MINAR1: variants seen among roughly 807,000 people sequenced by gnomAD.
MINAR1 encodes membrane integral NOTCH2 associated receptor 1.
In MINAR1, 40 loss-of-function variants were observed where a neutral mutation model predicts 65.1. The ratio of observed to expected loss-of-function variants is 0.61; its 90% CI spans 0.48 to 0.80. The LOEUF (loss-of-function observed/expected upper bound fraction) is 0.80, where lower values mean the gene tolerates loss of function less well. MINAR1 is among the 30% of genes least tolerant of loss of function. The pLI, the probability that MINAR1 is intolerant of heterozygous loss-of-function variation, is 0.00. For missense variants in MINAR1, 1,128 were observed against 1,148.0 expected, an observed-to-expected ratio of 0.98 and a Z score of 0.25; for synonymous variants, 482 against 449.1, an observed-to-expected ratio of 1.07 and a Z score of -0.93.
the MINAR1 span, chr15:79,423,303 G>A: frequency 7.2e-5 from 11 of 152,096 alleles, no homozygotes; most frequent in African/African-American, 2.7e-4. Context: ...TAGAATGTTA[G>A]CATTGTATAA....
At chr15:79,447,798 A>C (rs149643462) in intron 1 of MINAR1, among the ~76,000 whole-genome samples, 3 of 152,174 alleles carry the variant, frequency 2.0e-5, no homozygotes, top group African/African-American at 7.2e-5. Flanking sequence ...CTAAGGGGTA[A>C]TTTTTTACTT....
At chr15:79,414,324 C>T in the MINAR1 span, 4 of 152,216 alleles carry the variant, frequency 2.6e-5, no homozygotes, top group African/African-American at 9.6e-5. Context: ...TGAATTCCTC[C>T]TACCAAGCAA....
chr15:79,455,874 G>A (rs193077765), intron 1 of MINAR1, among the ~76,000 whole-genome samples: 13 of 152,282 alleles, frequency 8.5e-5, no homozygotes, highest in Admixed American at 2.6e-4. Context: ...CCATCATAGT[G>A]AACACCTTTA....
chr15:79,458,349 C>T lies in MINAR1; in HGVS notation c.2202C>T (p.Arg734=). The change falls in exon 2 of 4, where the codon CGC becomes CGT. Residue 734 remains arginine (R), a synonymous_variant. Coordinates refer to ENST00000305428, the MANE Select transcript of MINAR1 (RefSeq NM_015206.3). ...TCTCCAACTCGCCCAGAGACTGGCG[C>T]ACCATCACTTATACCAACCGTGTGG... is the stretch of plus-strand genomic sequence containing the variant. The part of the protein sequence containing the change: ...ASISNSPRDW[R]TITYTNRVGL... 2.5e-6 allele frequency: 4 copies of T among 1,614,188 alleles called. No homozygotes were observed. The Middle Eastern group carries it at 4.9e-4, about 200-fold the overall frequency.
intron 1 of MINAR1, among the ~76,000 whole-genome samples, chr15:79,443,392 G>T (rs889360941): frequency 6.6e-6 from 1 of 152,184 alleles, no homozygotes; most frequent in African/African-American, 2.4e-5. Context: ...GCCATTCAAG[G>T]TCCTCCTGGT....
chr15:79,436,230 A>G (rs1328058899), intron 1 of MINAR1, among the ~76,000 whole-genome samples: 1 of 152,222 alleles, frequency 6.6e-6, no homozygotes. Flanking sequence ...TGACTGATGC[A>G]ACATGTAAAG....
rs1209051806 is a variant in MINAR1 at position 79,471,919 on chromosome 15, A to G, written c.*3535A>G. On this transcript the variant is annotated 3_prime_UTR_variant, in exon 4 of 4. Coordinates refer to ENST00000305428, the MANE Select transcript of MINAR1 (RefSeq NM_015206.3). ...TGAAAATTTGTATTTAAAGGCAAAGATACAAGTAATTGTTGGTATAATTGG... is the reference window on the plus strand; with the variant it reads ...TGAAAATTTGTATTTAAAGGCAAAGGTACAAGTAATTGTTGGTATAATTGG... 6.6e-6 allele frequency: 1 copy of G among 152,660 alleles called. No individual in the cohort carries two copies. The highest frequency in any genetic ancestry group is 6.5e-5 in the Admixed American group (1 of 15,282). The allele number at this position is 152,660 out of a possible 1,614,324, so 9.5% of individuals were successfully genotyped here.
chr15:79,464,427 C>T (rs563618612), intron 3 of MINAR1, among the ~76,000 whole-genome samples: 13 of 152,260 alleles, frequency 8.5e-5, no homozygotes, highest in South Asian at 2.1e-4. Context: ...CCTGTGAGGC[C>T]GGAATTGCTA....
At chr15:79,439,292 G>T (rs1424166823) in intron 1 of MINAR1, among the ~76,000 whole-genome samples, 15 of 123,086 alleles carry the variant, frequency 1.2e-4, no homozygotes, top group South Asian at 6.0e-4. Flanking sequence ...TAGTGAGTGG[G>T]TGGGCGTGGG....
Position 79,461,023 on chromosome 15 carries a change from C to T in MINAR1, c.2299-2044C>T, listed in dbSNP as rs146465070. On this transcript the variant is annotated intron_variant, in intron 2 of 3. Transcript: ENST00000305428. ...TAAGTCCTATGCTCCCGTCAAGGCC[C>T]CTTACTTCATAAGTCTCTGTAAGCT... is the stretch of plus-strand genomic sequence containing the variant. Among the ~76,000 whole-genome samples the T allele has an allele frequency of 4.4e-4, 67 of 152,330 alleles. No homozygotes were observed. In the Middle Eastern group the frequency reaches 0.01, roughly 23 times the overall value.
chr15:79,459,484 C>T (rs1353327626), intron 2 of MINAR1, among the ~76,000 whole-genome samples: 1 of 152,134 alleles, frequency 6.6e-6, no homozygotes, highest in Non-Finnish European at 1.5e-5. Flanking sequence ...CCCTTTCTGG[C>T]CAAGGTGATG....
chr15:79,469,743 C>T lies in MINAR1; in HGVS notation c.*1359C>T, dbSNP rs1264232994. The T allele has an allele frequency of 6.6e-6, 1 of 152,516 alleles. No homozygotes were observed. Among genetic ancestry groups the T allele is most frequent in the African/African-American group, 2.4e-5 (1 of 41,386 alleles). The allele number at this position is 152,516 out of a possible 1,614,324, so 9.4% of individuals were successfully genotyped here. A position where few individuals can be genotyped will look rare whatever the true frequency, so the allele number is the denominator to read the frequency against. ...AAGAATCCTTATCAGCATCTGATTC[C>T]AATGTCTTGTTACAGGTCAAAGAAA... On this transcript the variant is annotated 3_prime_UTR_variant, in exon 4 of 4. Coordinates refer to ENST00000305428, the MANE Select transcript of MINAR1 (RefSeq NM_015206.3).
chr15:79,419,564 C>G, the MINAR1 span: 1 of 152,294 alleles, frequency 6.6e-6, no homozygotes, highest in African/African-American at 2.4e-5. Flanking sequence ...GAAGAGGGGA[C>G]TTTGCTGTCT....
At chr15:79,448,865 A>G (rs906505968) in intron 1 of MINAR1, among the ~76,000 whole-genome samples, 3 of 152,196 alleles carry the variant, frequency 2.0e-5, no homozygotes, top group African/African-American at 7.2e-5. Flanking sequence ...TACAAACTAT[A>G]TCCCTAAATC....
intron 1 of MINAR1, among the ~76,000 whole-genome samples, chr15:79,454,954 A>ATG (rs1382138575): frequency 6.6e-6 from 1 of 152,232 alleles, no homozygotes; most frequent in African/African-American, 2.4e-5. Context: ...AATTGGGTTA[A>ATG]TGATATGTAT....
In MINAR1 at chr15:79,457,924, A is replaced by T; in HGVS notation, c.1777A>T (p.Lys593Ter). 3 of 1,614,206 alleles carry T rather than the reference A, an allele frequency of 1.9e-6. No individual in the cohort carries two copies. Among genetic ancestry groups the T allele is most frequent in the Non-Finnish European group, 2.5e-6 (3 of 1,180,028 alleles). The change falls in exon 2 of 4, where the codon AAG (lysine) becomes TAG (stop). Residue 593 changes from lysine to a stop codon, truncating the protein, a stop_gained. Coordinates refer to ENST00000305428, the MANE Select transcript of MINAR1 (RefSeq NM_015206.3). LOFTEE classifies it high-confidence loss of function. ...ENTHHSEEEL[K>*]TSVCKLVLRI... Reference sequence around the variant, plus strand: ...CACCCACCACTCGGAAGAAGAGCTGAAGACCAGTGTGTGCAAACTGGTGCT... The same window carrying T: ...CACCCACCACTCGGAAGAAGAGCTGTAGACCAGTGTGTGCAAACTGGTGCT...
At position 79,456,596 on chromosome 15, in the gene MINAR1, A is replaced by G. The variant is rs1895424899; in HGVS notation, c.449A>G (p.Tyr150Cys). The G allele has an allele frequency of 1.9e-6, 3 of 1,614,004 alleles. No homozygotes were observed. Among genetic ancestry groups the G allele is most frequent in the Non-Finnish European group, 1.7e-6 (2 of 1,180,028 alleles). ...ELSERSFSRG[Y>C]PIRQSSKCRK... ...AGTGAGAGGTCTTTCAGCCGGGGCT[A>G]CCCCATCAGGCAGTCGTCCAAGTGC... The change falls in exon 2 of 4, where the codon TAC becomes TGC. Residue 150 changes from tyrosine to cysteine, a missense_variant. Transcript: ENST00000305428.
At chr15:79,459,345 C>A (rs1456080778) in intron 2 of MINAR1, among the ~76,000 whole-genome samples, 2 of 152,200 alleles carry the variant, frequency 1.3e-5, no homozygotes, top group Non-Finnish European at 1.5e-5. Flanking sequence ...GACTTCACTT[C>A]CTCAGTCCTA....
chr15:79,460,119 C>T (rs1895594336), intron 2 of MINAR1, among the ~76,000 whole-genome samples: 1 of 152,216 alleles, frequency 6.6e-6, no homozygotes, highest in Admixed American at 6.5e-5. Flanking sequence ...CTCGATAGGT[C>T]TAACACAAAG....
Sources: gnomAD v4.1 joint callset for allele counts (sites outside exome capture counted in the v4.1 genomes callset) on GRCh38, gnomAD v4.1.1 for gene constraint, MANE v1.5 for transcripts, NCBI Gene and HGNC (gene_info 2026-07-23, HGNC 2026-07-21) for gene names.